FAM117B: variants seen among roughly 807,000 people sequenced by gnomAD.
The protein encoded by FAM117B is protein FAM117B.
A neutral mutation model predicts 52.8 loss-of-function variants in FAM117B; 22 were observed. That is an observed-to-expected ratio of 0.42 (90% CI 0.30 to 0.59). The LOEUF (loss-of-function observed/expected upper bound fraction) is 0.59, where lower values mean the gene tolerates loss of function less well. Among genes scored for constraint, FAM117B ranks in the 20% least tolerant of loss-of-function variants. The probability of loss-of-function intolerance (pLI) is 0.22; values close to 1 mark genes in which losing one functional copy is unlikely to be tolerated. For synonymous variants in FAM117B, 309 were observed against 324.1 expected, an observed-to-expected ratio of 0.95 and a Z score of 0.50; for missense variants, 678 against 802.6, an observed-to-expected ratio of 0.84 and a Z score of 1.88.
At chr2:202,755,724 A>C in intron 5 of FAM117B, 43 bp downstream of exon 5, 1 of 1,550,782 alleles carries the variant, frequency 6.4e-7, no homozygotes, top group Non-Finnish European at 8.8e-7. Flanking sequence ...AACTCTTATA[A>C]TTATTAAAAA....
chr2:202,643,652 AAAC>A (rs1283660852), intron 1 of FAM117B, among the ~76,000 whole-genome samples: 14 of 152,126 alleles, frequency 9.2e-5, no homozygotes, highest in Admixed American at 9.2e-4. Context: ...TGCCCCCTAG[AAAC>A]AACCACTTTC....
At chr2:202,643,527 T>C (rs1689799429) in intron 1 of FAM117B, among the ~76,000 whole-genome samples, 6 of 152,190 alleles carry the variant, frequency 3.9e-5, no homozygotes, top group Admixed American at 3.9e-4. Flanking sequence ...ACTATATTTT[T>C]AAATTTAAAT....
At chr2:202,666,394 G>A (rs529936391) in intron 1 of FAM117B, among the ~76,000 whole-genome samples, 9 of 151,628 alleles carry the variant, frequency 5.9e-5, no homozygotes, top group South Asian at 2.1e-4. Context: ...GGTGTTACAC[G>A]TTCACAAACG....
chr2:202,749,454 AC>A (rs1257040903), intron 4 of FAM117B, among the ~76,000 whole-genome samples: 2 of 148,060 alleles, frequency 1.4e-5, no homozygotes, highest in Admixed American at 1.4e-4. Flanking sequence ...AAAAAAAAAA[AC>A]CACTGGGTTC....
intron 1 of FAM117B, among the ~76,000 whole-genome samples, chr2:202,656,077 T>A (rs1359451030): frequency 6.6e-6 from 1 of 152,208 alleles, no homozygotes; most frequent in African/African-American, 2.4e-5. Flanking sequence ...TGGCATCCTT[T>A]CGGTCATTCC....
At chr2:202,709,611 T>A (rs1261384996) in intron 2 of FAM117B, among the ~76,000 whole-genome samples, 2 of 152,236 alleles carry the variant, frequency 1.3e-5, no homozygotes, top group Non-Finnish European at 1.5e-5. Context: ...TTTTCTTATT[T>A]CTTAGGTTGC....
chr2:202,705,347 G>A (rs1353917093), intron 2 of FAM117B, among the ~76,000 whole-genome samples: 3 of 152,014 alleles, frequency 2.0e-5, no homozygotes, highest in Non-Finnish European at 4.4e-5. Flanking sequence ...CATGGAACAA[G>A]TTTTGAAAGA....
chr2:202,643,155 GA>G (rs1384788943), intron 1 of FAM117B, among the ~76,000 whole-genome samples: 1 of 152,146 alleles, frequency 6.6e-6, no homozygotes, highest in African/African-American at 2.4e-5. Flanking sequence ...TGGACGGAAG[GA>G]AAGTGAAAAA....
intron 4 of FAM117B, among the ~76,000 whole-genome samples, chr2:202,755,113 G>A (rs1237127263): frequency 6.6e-6 from 1 of 151,974 alleles, no homozygotes; most frequent in Non-Finnish European, 1.5e-5. Flanking sequence ...AGAACTCACA[G>A]TACTAAGAGG....
At chr2:202,757,145 A>G (rs1376133938) in intron 5 of FAM117B, 68 bp from the exon 6 acceptor site, 7 of 1,456,096 alleles carry the variant, frequency 4.8e-6, no homozygotes, top group Admixed American at 4.1e-5. Flanking sequence ...GAAGGTTGAC[A>G]TTGGGTTCAT....
At chr2:202,731,223 A>G (rs963484283) in intron 4 of FAM117B, among the ~76,000 whole-genome samples, 4 of 151,122 alleles carry the variant, frequency 2.6e-5, no homozygotes, top group South Asian at 2.1e-4. Flanking sequence ...TAATTTGTCA[A>G]TGGGGAAATG....
At chr2:202,699,100 C>A (rs543361767) in intron 2 of FAM117B, among the ~76,000 whole-genome samples, 1 of 151,792 alleles carries the variant, frequency 6.6e-6, no homozygotes, top group South Asian at 2.1e-4. Context: ...TCTAAATATC[C>A]CCCAAATTGA....
chr2:202,716,861 T>G (rs773897646), intron 2 of FAM117B, among the ~76,000 whole-genome samples: 13 of 152,252 alleles, frequency 8.5e-5, no homozygotes, highest in Non-Finnish European at 1.5e-4. Context: ...AATTTCTGCT[T>G]CTTTTTAATT....
At chr2:202,694,980 CTGTCT>C (rs1039213374) in intron 1 of FAM117B, among the ~76,000 whole-genome samples, 3 of 152,086 alleles carry the variant, frequency 2.0e-5, no homozygotes, top group African/African-American at 7.2e-5. Flanking sequence ...AATTACCTTC[CTGTCT>C]TATTTTCATT....
At chr2:202,648,865 G>A (rs1266559988) in intron 1 of FAM117B, among the ~76,000 whole-genome samples, 2 of 151,868 alleles carry the variant, frequency 1.3e-5, no homozygotes, top group African/African-American at 2.4e-5. Flanking sequence ...GGGTTCAGGC[G>A]ATTCTCCTGC....
At chr2:202,642,853 A>G (rs1250187998) in intron 1 of FAM117B, among the ~76,000 whole-genome samples, 1 of 152,222 alleles carries the variant, frequency 6.6e-6, no homozygotes, top group Non-Finnish European at 1.5e-5. Context: ...GGAGGAAACA[A>G]GCATTTTTAA....
rs1475092610 is a variant in FAM117B, at chr2:202,765,359, TAAA to T, written c.1452-85_1452-83del. On this transcript the variant is annotated intron_variant, in intron 7 of 7. Coordinates refer to ENST00000392238, the MANE Select transcript of FAM117B (RefSeq NM_173511.4). ...ATGTAAGTTAACTGTTTTTAAAAAA[TAAA>T]AGAGCTTGTTTCCAAGCTTTTTTTT... 3.1e-6 allele frequency: 4 copies of T among 1,291,672 alleles called. No individual in the cohort carries two copies. In the East Asian group the frequency reaches 9.4e-5, roughly 30 times the overall value. The allele number at this position is 1,291,672 out of a possible 1,614,324, so 80.0% of individuals were successfully genotyped here. A position where few individuals can be genotyped will look rare whatever the true frequency, so the allele number is the denominator to read the frequency against.
At chr2:202,714,522 C>CTTTTTTTTTCT (rs1197533871) in intron 2 of FAM117B, among the ~76,000 whole-genome samples, 3 of 123,858 alleles carry the variant, frequency 2.4e-5, no homozygotes, top group African/African-American at 8.9e-5. Context: ...GTTGTTATAT[C>CTTTTTTTTTCT]TTTTTTTTTT....
intron 1 of FAM117B, among the ~76,000 whole-genome samples, chr2:202,676,088 A>C (rs931339398): frequency 6.6e-6 from 1 of 151,592 alleles, no homozygotes; most frequent in African/African-American, 2.4e-5. Context: ...TTCCCTTCTT[A>C]CTTGCTTGTT....
Sources: gnomAD v4.1 joint callset for allele counts (sites outside exome capture counted in the v4.1 genomes callset) on GRCh38, gnomAD v4.1.1 for gene constraint, MANE v1.5 for transcripts, NCBI Gene and HGNC (gene_info 2026-07-23, HGNC 2026-07-21) for gene names.